ZFHX3: variants seen among roughly 807,000 people sequenced by gnomAD.
ZFHX3 encodes zinc finger homeobox protein 3.
In ZFHX3, 42 loss-of-function variants were observed where a neutral mutation model predicts 279.1. The observed-to-expected ratio is 0.15, with a 90% CI of 0.12 to 0.19. The LOEUF is 0.19. Among genes scored for constraint, ZFHX3 ranks in the 10% least tolerant of loss-of-function variants. ZFHX3 has a pLI of 1.00. For missense variants in ZFHX3, 4,981 were observed against 4,754.0 expected (o/e 1.05, Z -1.40); for synonymous variants, 2,293 against 1,957.8 (o/e 1.17, Z -4.52).
intron 4 of ZFHX3, among the ~76,000 whole-genome samples, chr16:73,310,088 T>C (rs1309486606): frequency 3.3e-5 from 5 of 151,994 alleles, no homozygotes; most frequent in Non-Finnish European, 5.9e-5. Context: ...TTTGTATTTT[T>C]AGTAGAGACA....
chr16:72,943,811 G>T (rs1244967084), intron 3 of ZFHX3, among the ~76,000 whole-genome samples: 2 of 152,064 alleles, frequency 1.3e-5, no homozygotes, highest in African/African-American at 4.8e-5. Context: ...TGTGTGTAGA[G>T]AATCATGTTC....
At chr16:73,509,215 T>C (rs960350539) in intron 2 of ZFHX3, among the ~76,000 whole-genome samples, 1 of 152,194 alleles carries the variant, frequency 6.6e-6, no homozygotes, top group African/African-American at 2.4e-5. Flanking sequence ...TCTTTCTTTT[T>C]AAAATGCCCT....
intron 4 of ZFHX3, among the ~76,000 whole-genome samples, chr16:73,285,444 C>T (rs1308869151): frequency 6.6e-6 from 1 of 152,174 alleles, no homozygotes; most frequent in Non-Finnish European, 1.5e-5. Context: ...TGACAAAGGG[C>T]ACAAAATTCA....
intron 1 of ZFHX3, among the ~76,000 whole-genome samples, chr16:73,721,588 G>A (rs2053474182): frequency 2.0e-5 from 3 of 152,168 alleles, no homozygotes; most frequent in South Asian, 2.1e-4. Context: ...CTTCCTAACC[G>A]GCATGCCCAC....
intron 2 of ZFHX3, among the ~76,000 whole-genome samples, chr16:73,482,473 G>A (rs542672823): frequency 3.9e-4 from 60 of 152,194 alleles, no homozygotes; most frequent in Non-Finnish European, 5.7e-4. Context: ...CCTGCTAGAG[G>A]GGTCCGGCCC....
rs181014069 is a variant in ZFHX3 at position 73,212,755 on chromosome 16, G to A, written c.-1104+44292C>T. On this transcript the variant is annotated intron_variant, in intron 5 of 17. Transcript: ENST00000641206. ...TAAAATTCTTGCAGAGTATTGATAC[G>A]GAGTTGGCATTACAAATATGCCCTC... 4.6e-5 allele frequency among the ~76,000 whole-genome samples: 7 copies of A among 152,258 alleles called. No homozygotes were observed. In the East Asian group the frequency reaches 9.7e-4, roughly 21 times the overall value.
intron 7 of ZFHX3, among the ~76,000 whole-genome samples, chr16:73,129,349 C>T (rs565545848): frequency 6.7e-6 from 1 of 149,412 alleles, no homozygotes; most frequent in East Asian, 2.0e-4. Context: ...AATTGCACCA[C>T]TGCACTCCAG....
intron 2 of ZFHX3, among the ~76,000 whole-genome samples, chr16:73,510,028 T>C (rs1189684471): frequency 6.6e-6 from 1 of 152,192 alleles, no homozygotes; most frequent in African/African-American, 2.4e-5. Flanking sequence ...AGCATCGTCC[T>C]TTAGGACAGC....
In ZFHX3 at chr16:72,787,446, G is replaced by T; in HGVS notation, c.10830C>A (p.Pro3610=). 6.2e-7 allele frequency: 1 copy of T among 1,605,264 alleles called. No homozygotes were observed. Among genetic ancestry groups the T allele is most frequent in the Non-Finnish European group, 8.5e-7 (1 of 1,174,504 alleles). The part of the protein sequence containing the change: ...PSAAAPSSAS[P]HASRKSWPQV... The stretch of plus-strand genomic sequence containing the variant: ...GCGGCCAAGACTTCCTGGAGGCGTG[G>T]GGGGAAGCGGAGGAGGGGGCGGCGG... The change falls in exon 10 of 10, where the codon CCC becomes CCA. Residue 3610 remains proline, a synonymous_variant. Coordinates refer to ENST00000268489, the MANE Select transcript of ZFHX3 (RefSeq NM_006885.4).
At chr16:73,589,785 C>A (rs1422272950) in intron 2 of ZFHX3, among the ~76,000 whole-genome samples, 1 of 125,732 alleles carries the variant, frequency 8.0e-6, no homozygotes, top group African/African-American at 2.9e-5. Context: ...TATACCCTGT[C>A]TTGTGCATTT....
chr16:73,105,382 T>C (rs111519221), intron 7 of ZFHX3, among the ~76,000 whole-genome samples: 4,517 of 40,182 alleles, frequency 0.11, 373 homozygotes, highest in African/African-American at 0.27. Flanking sequence ...TATATATATA[T>C]ACACACACAC....
intron 1 of ZFHX3, among the ~76,000 whole-genome samples, chr16:73,736,740 C>T (rs2053613090): frequency 6.6e-6 from 1 of 152,196 alleles, no homozygotes; most frequent in Admixed American, 6.5e-5. Context: ...CACCTATGCA[C>T]AGTTTATCAG....
In ZFHX3 at chr16:72,793,145, G is replaced by A. The variant is rs2035770047; in HGVS notation, c.9427+110C>T. The A allele has an allele frequency of 2.0e-6, 3 of 1,500,284 alleles. No homozygotes were observed. Among genetic ancestry groups the A allele is most frequent in the Admixed American group, 2.3e-5 (1 of 43,954 alleles). 92.9% of individuals were successfully genotyped at this position (1,500,284 alleles called of 1,614,324 possible). On this transcript the variant is annotated intron_variant, in intron 9 of 9. Coordinates refer to ENST00000268489, the MANE Select transcript of ZFHX3 (RefSeq NM_006885.4). The surrounding 1 kb of genome is among the most constrained non-coding windows in gnomAD (Gnocchi z 4.3). Reference sequence around the variant, plus strand: ...TTGTTGCTTTTAAAGAACTAGAAAGGTAAGCTTCCCATCTGCCCAGCACTC... The same window carrying A: ...TTGTTGCTTTTAAAGAACTAGAAAGATAAGCTTCCCATCTGCCCAGCACTC...
At chr16:73,576,597 T>A (rs2051802118) in intron 2 of ZFHX3, among the ~76,000 whole-genome samples, 1 of 152,146 alleles carries the variant, frequency 6.6e-6, no homozygotes, top group Non-Finnish European at 1.5e-5. Context: ...GATGGGGACC[T>A]GCCAACACCC....
At chr16:73,621,586 G>A (rs1389785229) in intron 2 of ZFHX3, among the ~76,000 whole-genome samples, 1 of 152,194 alleles carries the variant, frequency 6.6e-6, no homozygotes, top group Non-Finnish European at 1.5e-5. Flanking sequence ...CAGCATCGGG[G>A]AGGGAGAACA....
intron 4 of ZFHX3, among the ~76,000 whole-genome samples, chr16:73,290,365 A>G: frequency 6.6e-6 from 1 of 152,188 alleles, no homozygotes; most frequent in Admixed American, 6.5e-5. Flanking sequence ...ACTAAAGCTG[A>G]GATGGAAAAG....
At chr16:72,836,706 G>A (rs1278729073) in intron 4 of ZFHX3, among the ~76,000 whole-genome samples, 1 of 151,992 alleles carries the variant, frequency 6.6e-6, no homozygotes, top group Non-Finnish European at 1.5e-5. Context: ...CTTCTCAGCA[G>A]AGTATATACA....
At chr16:72,974,585 AC>A (rs1380791095) in intron 1 of ZFHX3, among the ~76,000 whole-genome samples, 4 of 151,836 alleles carry the variant, frequency 2.6e-5, no homozygotes, top group African/African-American at 9.7e-5. Flanking sequence ...ACACACACAC[AC>A]ACACACACAC....
chr16:73,428,021 A>G (rs1389779921), intron 3 of ZFHX3, among the ~76,000 whole-genome samples: 3 of 152,128 alleles, frequency 2.0e-5, no homozygotes, highest in African/African-American at 2.4e-5. Context: ...ATCCCTTAGA[A>G]CACACACACA....
Sources: allele counts gnomAD v4.1 joint callset (sites outside exome capture counted in the v4.1 genomes callset), GRCh38; gene constraint gnomAD v4.1.1; non-coding constraint Gnocchi (gnomAD v3.1); transcripts MANE v1.5; gene names NCBI Gene and HGNC (gene_info 2026-07-23, HGNC 2026-07-21).